Variants in CD8B observed in about 807,000 individuals in gnomAD.
CD8B encodes the protein T-cell surface glycoprotein CD8 beta chain.
CD8B carries 6 observed loss-of-function variants against 24.2 expected under a neutral mutation model. The observed-to-expected ratio is 0.25, with a 90% CI of 0.14 to 0.49. CD8B has a LOEUF of 0.49. Among genes scored for constraint, CD8B ranks in the 20% least tolerant of loss-of-function variants. The probability of loss-of-function intolerance (pLI) is 0.98; values close to 1 mark genes in which losing one functional copy is unlikely to be tolerated. For missense variants in CD8B, 196 were observed against 271.3 expected (o/e 0.72, Z 1.95); for synonymous variants, 84 against 108.3 (o/e 0.78, Z 1.39).
intron 5 of CD8B, among the ~76,000 whole-genome samples, chr2:86,826,785 G>A (rs1408638648): frequency 1.3e-5 from 2 of 151,840 alleles, no homozygotes; most frequent in African/African-American, 4.8e-5. Context: ...ACTGGAATTG[G>A]CTGTGGTTCA....
intron 5 of CD8B, among the ~76,000 whole-genome samples, chr2:86,822,657 T>C (rs1234706086): frequency 6.6e-6 from 1 of 152,260 alleles, no homozygotes; most frequent in Non-Finnish European, 1.5e-5. Flanking sequence ...TTTCCCTTGC[T>C]GTTGTTTCTA....
intron 5 of CD8B, among the ~76,000 whole-genome samples, chr2:86,816,594 C>T (rs1204839237): frequency 1.3e-5 from 2 of 152,114 alleles, no homozygotes; most frequent in Admixed American, 6.5e-5. Context: ...CAGATGTGAA[C>T]ATGTTGGAGA....
intron 5 of CD8B, among the ~76,000 whole-genome samples, chr2:86,822,080 G>A (rs1674501647): frequency 6.6e-6 from 1 of 152,158 alleles, no homozygotes; most frequent in Non-Finnish European, 1.5e-5. Context: ...GGGCAGAGAT[G>A]AACCAGGGAC....
At chr2:86,853,237 G>A (rs1676064774) in intron 2 of CD8B, 151 bp from the exon 3 acceptor site, 4 of 1,268,650 alleles carry the variant, frequency 3.2e-6, no homozygotes, top group Non-Finnish European at 4.4e-6. Context: ...AGCTCAGGAG[G>A]TTGAGACCAG....
intron 5 of CD8B, among the ~76,000 whole-genome samples, chr2:86,828,995 G>A (rs1178588750): frequency 2.0e-5 from 3 of 148,754 alleles, no homozygotes; most frequent in Non-Finnish European, 4.5e-5. Flanking sequence ...TCAGATGGAA[G>A]TACTGCACAT....
downstream of CD8B, among the ~76,000 whole-genome samples, chr2:86,835,428 C>T (rs1278148839): frequency 2.6e-5 from 4 of 152,184 alleles, no homozygotes; most frequent in South Asian, 2.1e-4. Context: ...CTAGAGCCTT[C>T]GTGATCCGAA....
intron 1 of CD8B, among the ~76,000 whole-genome samples, chr2:86,860,790 G>T (rs1052076310): frequency 6.6e-6 from 1 of 152,180 alleles, no homozygotes; most frequent in Non-Finnish European, 1.5e-5. Flanking sequence ...TAAGAGCAAG[G>T]CCTGGGCTGT....
intron 2 of CD8B, among the ~76,000 whole-genome samples, chr2:86,856,677 G>C: frequency 6.6e-6 from 1 of 151,844 alleles, no homozygotes; most frequent in Non-Finnish European, 1.5e-5. Context: ...CTTGGGCCAA[G>C]CTGGAGGTGG....
At chr2:86,852,189 C>A (rs1240151534) in intron 3 of CD8B, among the ~76,000 whole-genome samples, 1 of 152,172 alleles carries the variant, frequency 6.6e-6, no homozygotes, top group Non-Finnish European at 1.5e-5. Context: ...TGGTCTCTAA[C>A]TCCTGAGCTC....
intron 2 of CD8B, among the ~76,000 whole-genome samples, chr2:86,856,841 A>T (rs1288619190): frequency 1.3e-5 from 2 of 150,122 alleles, no homozygotes; most frequent in Admixed American, 1.3e-4. Flanking sequence ...AACACTTAGT[A>T]TGAAAAATGA....
At chr2:86,854,879 G>C (rs1489569225) in intron 2 of CD8B, among the ~76,000 whole-genome samples, 1 of 151,978 alleles carries the variant, frequency 6.6e-6, no homozygotes, top group Non-Finnish European at 1.5e-5. Flanking sequence ...CCAGCACTTT[G>C]GGAGGCCGAG....
rs1371222593 is a variant in CD8B at position 86,839,494 on chromosome 2, G to A, written c.*2813C>T. 6.6e-6 allele frequency among the ~76,000 whole-genome samples: 1 copy of A among 152,244 alleles called. No individual in the cohort carries two copies. The highest frequency in any genetic ancestry group is 1.5e-5 in the Non-Finnish European group (1 of 68,044). ...TTTCATCATAATGGCCCTATAGAGT[G>A]TAGTAGCAGCTCAGCTCCTTCTTCA... On this transcript the variant is annotated 3_prime_UTR_variant, in exon 6 of 6. Coordinates refer to ENST00000390655, the MANE Select transcript of CD8B (RefSeq NM_004931.5).
chr2:86,823,238 A>T (rs1674545096), intron 5 of CD8B, among the ~76,000 whole-genome samples: 1 of 151,964 alleles, frequency 6.6e-6, no homozygotes, highest in African/African-American at 2.4e-5. Context: ...TACTGTATTT[A>T]CCTTTTTGCA....
In CD8B at chr2:86,840,854, G is replaced by A. The variant is rs1307430209; in HGVS notation, c.*1453C>T. Among the ~76,000 whole-genome samples, 1 of 145,576 alleles carries A rather than the reference G, an allele frequency of 6.9e-6. No homozygotes were observed. The highest frequency in any genetic ancestry group is 1.5e-5 in the Non-Finnish European group (1 of 65,130). ...TGCTGCGGCCGCACCCCAGATGCCAGGAGAAGGTCACACTGCCCCTTCCCC... is the reference window on the plus strand; with the variant it reads ...TGCTGCGGCCGCACCCCAGATGCCAAGAGAAGGTCACACTGCCCCTTCCCC... On this transcript the variant is annotated 3_prime_UTR_variant, in exon 6 of 6. Transcript: ENST00000390655.
Position 86,840,793 on chromosome 2 carries a change from C to T in CD8B, c.*1514G>A, listed in dbSNP as rs1345550341. On this transcript the variant is annotated 3_prime_UTR_variant, in exon 6 of 6. Coordinates refer to ENST00000390655, the MANE Select transcript of CD8B (RefSeq NM_004931.5). ...GGCCCTCCTTCCGGTAACACTGCATCTATGCCTTTCTAACTCCACCCACCA... is the reference window on the plus strand; with the variant it reads ...GGCCCTCCTTCCGGTAACACTGCATTTATGCCTTTCTAACTCCACCCACCA... 5.3e-5 allele frequency among the ~76,000 whole-genome samples: 8 copies of T among 152,178 alleles called. No homozygotes were observed. Among genetic ancestry groups the T allele is most frequent in the Non-Finnish European group, 1.2e-4 (8 of 68,034 alleles).
At chr2:86,831,487 A>T (rs189566344) in intron 5 of CD8B, among the ~76,000 whole-genome samples, 59 of 152,380 alleles carry the variant, frequency 3.9e-4, no homozygotes, top group Non-Finnish European at 2.9e-5. Context: ...AAAATTGATC[A>T]GTAAATATCT....
At chr2:86,818,158 G>A (rs1054222474) in intron 5 of CD8B, among the ~76,000 whole-genome samples, 6 of 152,044 alleles carry the variant, frequency 3.9e-5, no homozygotes, top group Admixed American at 2.0e-4. Context: ...GCTGTGAGCC[G>A]AGACTGTACC....
intron 5 of CD8B, among the ~76,000 whole-genome samples, chr2:86,823,570 G>A (rs2104500105): frequency 6.6e-6 from 1 of 152,276 alleles, no homozygotes; most frequent in Admixed American, 6.5e-5. Flanking sequence ...CGAGCCACAA[G>A]CCTCGGCCTG....
intron 5 of CD8B, among the ~76,000 whole-genome samples, chr2:86,824,301 T>C (rs974823146): frequency 4.6e-5 from 7 of 152,288 alleles, no homozygotes; most frequent in East Asian, 3.9e-4. Flanking sequence ...AATGCTGCTT[T>C]GCACACAGCT....
Sources: allele counts gnomAD v4.1 joint callset (sites outside exome capture counted in the v4.1 genomes callset), GRCh38; gene constraint gnomAD v4.1.1; transcripts MANE v1.5; gene names NCBI Gene and HGNC (gene_info 2026-07-23, HGNC 2026-07-21).